PALD1: variants seen among roughly 807,000 people sequenced by gnomAD.
The protein encoded by PALD1 is paladin.
A neutral mutation model predicts 96.0 loss-of-function variants in PALD1; 57 were observed. The ratio of observed to expected loss-of-function variants is 0.59; its 90% CI spans 0.48 to 0.74. The LOEUF (loss-of-function observed/expected upper bound fraction) is 0.74. PALD1 is among the 30% of genes least tolerant of loss of function. The pLI is 0.00. For synonymous variants in PALD1, 464 were observed against 473.6 expected, an observed-to-expected ratio of 0.98 and a Z score of 0.26; for missense variants, 1,063 against 1,143.7, an observed-to-expected ratio of 0.93 and a Z score of 1.02.
chr10:70,542,405 A>T (rs561540406), intron 17 of PALD1, among the ~76,000 whole-genome samples: 1 of 152,276 alleles, frequency 6.6e-6, no homozygotes, highest in Admixed American at 6.5e-5. Flanking sequence ...TCATCTTGCA[A>T]AACAGAACTC....
chr10:70,490,008 C>T (rs1038560359), intron 1 of PALD1, among the ~76,000 whole-genome samples: 7 of 151,916 alleles, frequency 4.6e-5, no homozygotes, highest in Admixed American at 2.0e-4. Context: ...TGGCAACCTC[C>T]GCCTCCCGGG....
intron 18 of PALD1, among the ~76,000 whole-genome samples, chr10:70,555,466 T>C (rs1315382103): frequency 6.6e-6 from 1 of 150,534 alleles, no homozygotes; most frequent in East Asian, 1.9e-4. Flanking sequence ...TCTGCCGCTG[T>C]GGCAGCCACG....
chr10:70,514,855 G>GT (rs1846588676), intron 1 of PALD1, among the ~76,000 whole-genome samples: 1 of 152,180 alleles, frequency 6.6e-6, no homozygotes, highest in South Asian at 2.1e-4. Flanking sequence ...GGTTCTCTGG[G>GT]TGAAGAGTTG....
At chr10:70,459,066 C>T in the PALD1 span, among the ~76,000 whole-genome samples, 1 of 152,160 alleles carries the variant, frequency 6.6e-6, no homozygotes, top group Non-Finnish European at 1.5e-5. Flanking sequence ...TCCGCCCACC[C>T]ACTGCTTCAC....
At chr10:70,479,595 C>T (rs1043024273) in intron 1 of PALD1, among the ~76,000 whole-genome samples, 1 of 152,180 alleles carries the variant, frequency 6.6e-6, no homozygotes, top group African/African-American at 2.4e-5. Flanking sequence ...AGAGGGTTTT[C>T]CTGAAGGGGC....
intron 1 of PALD1, among the ~76,000 whole-genome samples, chr10:70,493,021 C>T (rs1846124754): frequency 6.6e-6 from 1 of 152,164 alleles, no homozygotes; most frequent in Non-Finnish European, 1.5e-5. Context: ...CTCCATAGTC[C>T]CATTTTTGTG....
intron 1 of PALD1, chr10:70,486,240 G>A (rs1039474260): frequency 1.3e-5 from 2 of 157,626 alleles, no homozygotes; most frequent in African/African-American, 4.9e-5. Flanking sequence ...GGACTACATG[G>A]TGACCAAAAA....
rs983359986 is a variant in PALD1 at position 70,539,474 on chromosome 10, G to A, written c.1726-106G>A. 5.2e-6 allele frequency: 6 copies of A among 1,154,124 alleles called. No homozygotes were observed. In the African/African-American group the frequency reaches 9.4e-5, roughly 18 times the overall value. 71.5% of individuals were successfully genotyped at this position (1,154,124 alleles called of 1,614,324 possible). A position where few individuals can be genotyped will look rare whatever the true frequency, so the allele number is the denominator to read the frequency against. On this transcript the variant is annotated intron_variant, in intron 14 of 19. Coordinates refer to ENST00000263563, the MANE Select transcript of PALD1 (RefSeq NM_014431.3). The surrounding 1 kb of genome is among the most constrained non-coding windows in gnomAD (Gnocchi z 4.5). ...CCTGAGGCTTGGGGGGGTCAGGGATGGGACTGGAAGCCAGGGCCAGGCCTG... is the reference window on the plus strand; with the variant it reads ...CCTGAGGCTTGGGGGGGTCAGGGATAGGACTGGAAGCCAGGGCCAGGCCTG...
intron 10 of PALD1, among the ~76,000 whole-genome samples, chr10:70,536,631 C>G (rs1263687121): frequency 6.6e-6 from 1 of 152,170 alleles, no homozygotes; most frequent in African/African-American, 2.4e-5. Flanking sequence ...CTCTGCTGGC[C>G]CACGACTGCT....
intron 8 of PALD1, 68 bp from the exon 9 acceptor site, chr10:70,534,357 G>A: frequency 9.2e-7 from 1 of 1,085,750 alleles, no homozygotes. Context: ...TATGAGTGGA[G>A]ACAGCAGGCG....
At position 70,539,470 on chromosome 10, in the gene PALD1, G is replaced by A. The variant is rs1027020011; in HGVS notation, c.1726-110G>A. 1.1e-5 allele frequency: 12 copies of A among 1,130,154 alleles called. No homozygotes were observed. Among genetic ancestry groups the A allele is most frequent in the Non-Finnish European group, 1.5e-5 (12 of 814,910 alleles). The allele number at this position is 1,130,154 out of a possible 1,614,324, so 70.0% of individuals were successfully genotyped here. On this transcript the variant is annotated intron_variant, in intron 14 of 19. Coordinates refer to ENST00000263563, the MANE Select transcript of PALD1 (RefSeq NM_014431.3). The surrounding 1 kb of genome is among the most constrained non-coding windows in gnomAD (Gnocchi z 4.5). ...GACCCCTGAGGCTTGGGGGGGTCAGGGATGGGACTGGAAGCCAGGGCCAGG... is the reference window on the plus strand; with the variant it reads ...GACCCCTGAGGCTTGGGGGGGTCAGAGATGGGACTGGAAGCCAGGGCCAGG...
rs756142422 is a variant in PALD1 at position 70,538,371 on chromosome 10, C to T, written c.1415C>T (p.Pro472Leu). ...CCCGTGACGCTGAGCTCAGCAGGCC[C>T]TGTGGCTCCGAGGGACCTCATCGCC... is the stretch of plus-strand genomic sequence containing the variant. ...RLPVTLSSAG[P>L]VAPRDLIARG... The change falls in exon 12 of 20, where the codon CCT (proline) becomes CTT (leucine). Residue 472 changes from proline (P) to leucine (L), a missense_variant. Physicochemically the swap from Pro to Leu is moderately conservative, Grantham distance 98 (BLOSUM62 -3). Coordinates refer to ENST00000263563, the MANE Select transcript of PALD1 (RefSeq NM_014431.3). 3.1e-6 allele frequency: 5 copies of T among 1,611,330 alleles called. No homozygotes were observed. The African/African-American group carries it at 5.3e-5, about 17-fold the overall frequency.
At chr10:70,499,999 C>T (rs1012486496) in intron 1 of PALD1, among the ~76,000 whole-genome samples, 1 of 152,150 alleles carries the variant, frequency 6.6e-6, no homozygotes, top group Non-Finnish European at 1.5e-5. Context: ...CTCAGTTAGT[C>T]CTCATGGCCT....
chr10:70,482,587 C>G (rs1735273108), intron 1 of PALD1, among the ~76,000 whole-genome samples: 1 of 152,142 alleles, frequency 6.6e-6, no homozygotes, highest in African/African-American at 2.4e-5. Context: ...AGTTCCTTTT[C>G]CACTCAGGGC....
Position 70,538,411 on chromosome 10 carries a change from G to T in PALD1, c.1452+3G>T. On this transcript the variant is annotated splice_donor_region_variant and intron_variant, in intron 12 of 19. Transcript: ENST00000263563. ...ACCTCATCGCCAGGGGCTCCCTAGT[G>T]AGTATGACTGGCAGTCGGAGAAGTG... 2 of 1,611,288 alleles carry T rather than the reference G, an allele frequency of 1.2e-6. No individual in the cohort carries two copies. Among genetic ancestry groups the T allele is most frequent in the South Asian group, 2.2e-5 (2 of 90,974 alleles).
At chr10:70,519,297 C>T (rs1053744755) in intron 1 of PALD1, among the ~76,000 whole-genome samples, 8 of 152,100 alleles carry the variant, frequency 5.3e-5, no homozygotes, top group Non-Finnish European at 1.0e-4. Context: ...AACTGGGTAT[C>T]TTAAAAACAA....
At chr10:70,509,901 A>C (rs577475464) in intron 1 of PALD1, among the ~76,000 whole-genome samples, 3 of 152,234 alleles carry the variant, frequency 2.0e-5, no homozygotes, top group Non-Finnish European at 4.4e-5. Flanking sequence ...TTGATTTTGC[A>C]CAAAGAATTC....
intron 1 of PALD1, among the ~76,000 whole-genome samples, chr10:70,481,475 T>C (rs537777927): frequency 6.6e-6 from 1 of 152,226 alleles, no homozygotes; most frequent in Non-Finnish European, 1.5e-5. Flanking sequence ...ATTTGGCCTC[T>C]CCACCTCTGC....
Position 70,561,991 on chromosome 10 carries a change from C to A in PALD1, c.2263-2373C>A, listed in dbSNP as rs181452603. On this transcript the variant is annotated intron_variant, in intron 18 of 19. Coordinates refer to ENST00000263563, the MANE Select transcript of PALD1 (RefSeq NM_014431.3). ...TGTGAGTAGTTCATCTTTGCATCCC[C>A]AGTATGTGGCTTGGGTGATGGGCAC... 1.8e-3 allele frequency among the ~76,000 whole-genome samples: 267 copies of A among 152,354 alleles called. 3 individuals are homozygous for A. In the South Asian group the frequency reaches 0.028, roughly 16 times the overall value.
Sources: allele counts gnomAD v4.1 joint callset (sites outside exome capture counted in the v4.1 genomes callset), GRCh38; gene constraint gnomAD v4.1.1; non-coding constraint Gnocchi (gnomAD v3.1); transcripts MANE v1.5; gene names NCBI Gene and HGNC (gene_info 2026-07-23, HGNC 2026-07-21).